The following PTPRS variants were observed in gnomAD, a reference collection of about 807,000 sequenced individuals.
PTPRS encodes protein tyrosine phosphatase receptor type S, also known as receptor-type tyrosine-protein phosphatase S.
A neutral mutation model predicts 215.3 loss-of-function variants in PTPRS; 63 were observed. The ratio of observed to expected loss-of-function variants is 0.29; its 90% CI spans 0.24 to 0.36. The LOEUF (loss-of-function observed/expected upper bound fraction) is 0.36, where lower values mean the gene tolerates loss of function less well. PTPRS is among the 10% of genes least tolerant of loss of function. The pLI, the probability that PTPRS is intolerant of heterozygous loss-of-function variation, is 1.00. For synonymous variants in PTPRS, 1,404 were observed against 1,191.4 expected, an observed-to-expected ratio of 1.18 and a Z score of -3.68; for missense variants, 2,258 against 2,825.8, an observed-to-expected ratio of 0.80 and a Z score of 4.56.
chr19:5,220,288 C>G lies in PTPRS; in HGVS notation c.3521G>C (p.Gly1174Ala). 6.2e-7 allele frequency: 1 copy of G among 1,614,066 alleles called. No homozygotes were observed. Among genetic ancestry groups the G allele is most frequent in the South Asian group, 1.1e-5 (1 of 91,064 alleles). The change falls in exon 21 of 38, where the codon GGT becomes GCT. Residue 1174 changes from glycine to alanine, a missense_variant. Around this residue, in one of 6 missense-constraint regions of PTPRS, gnomAD observed 927 missense variants for 1,125.9 expected, o/e 0.82. Coordinates refer to ENST00000262963, the MANE Select transcript of PTPRS (RefSeq NM_002850.4). Reference sequence around the variant, plus strand: ...TTCCAGATCCATGTCCTCTGGGCTACCCAGCGGGGTCAGGAATTGGCCTCC... The same window carrying G: ...TTCCAGATCCATGTCCTCTGGGCTAGCCAGCGGGGTCAGGAATTGGCCTCC... Reference protein sequence around the residue: ...SRGGQFLTPLGSPEDMDLEEL... With the variant: ...SRGGQFLTPLASPEDMDLEEL...
rs931408610 is a variant in PTPRS at position 5,338,399 on chromosome 19, C to G, written c.-95+2265G>C. Among the ~76,000 whole-genome samples the G allele has an allele frequency of 2.6e-5, 4 of 152,070 alleles. No individual in the cohort carries two copies. The highest frequency in any genetic ancestry group is 5.9e-5 in the Non-Finnish European group (4 of 68,024). On this transcript the variant is annotated intron_variant, in intron 1 of 37. Coordinates refer to ENST00000262963, the MANE Select transcript of PTPRS (RefSeq NM_002850.4). The surrounding 1 kb of genome is among the most constrained non-coding windows in gnomAD (Gnocchi z 4.2). ...AGTGCACCGTCATGATGAGGGTGTCCCCCGGGCCTGGGGAACAGGGCAGGA... is the reference window on the plus strand; with the variant it reads ...AGTGCACCGTCATGATGAGGGTGTCGCCCGGGCCTGGGGAACAGGGCAGGA...
At chr19:5,214,209 A>C in intron 30 of PTPRS, 152 bp downstream of exon 30, 1 of 1,109,386 alleles carries the variant, frequency 9.0e-7, no homozygotes, top group South Asian at 1.5e-5. Flanking sequence ...CCTCCACGGA[A>C]GTGGGTTCCA....
At position 5,237,217 on chromosome 19, in the gene PTPRS, G is replaced by A. The variant is rs533953366; in HGVS notation, c.1849+1702C>T. ...CAGGCTGGAGGCAGGAAGGTGGCAC[G>A]GTGTCTGGGGAGACCCACGGCTGAG... On this transcript the variant is annotated intron_variant, in intron 13 of 37. Coordinates refer to ENST00000262963, the MANE Select transcript of PTPRS (RefSeq NM_002850.4). This position sits in a 1 kb window ranked among gnomAD's most constrained non-coding sequence, Gnocchi z 4.2. 4.6e-5 allele frequency among the ~76,000 whole-genome samples: 7 copies of A among 152,264 alleles called. No individual in the cohort carries two copies. The highest frequency in any genetic ancestry group is 1.3e-4 in the Admixed American group (2 of 15,306).
intron 1 of PTPRS, among the ~76,000 whole-genome samples, chr19:5,291,732 G>A (rs1045059921): frequency 2.6e-5 from 4 of 151,144 alleles, no homozygotes; most frequent in African/African-American, 4.9e-5. Context: ...CTGCAGCCAC[G>A]AGATGCCTCC....
At chr19:5,273,278 G>GGC (rs1277574310) in intron 4 of PTPRS, 164 bp downstream of exon 4, 8 of 859,532 alleles carry the variant, frequency 9.3e-6, no homozygotes, top group Non-Finnish European at 1.5e-5. Flanking sequence ...CCCACCAGTA[G>GGC]GCGCTGGGCC....
chr19:5,322,179 G>A (rs532579578), intron 1 of PTPRS, among the ~76,000 whole-genome samples: 16 of 152,336 alleles, frequency 1.1e-4, no homozygotes, highest in African/African-American at 2.4e-4. Flanking sequence ...AGCCTTTAGC[G>A]GAAGCCCTCC....
intron 31 of PTPRS, 42 bp from the exon 32 acceptor site, chr19:5,212,292 C>A (rs375839277): frequency 6.2e-7 from 1 of 1,608,606 alleles, no homozygotes; most frequent in South Asian, 1.1e-5. Context: ...TGCTGGGCTG[C>A]GGGGACCGGG....
Position 5,339,980 on chromosome 19 carries a change from G to A in PTPRS, c.-95+684C>T, listed in dbSNP as rs1311589884. ...AAGGGGGCGCCGAGGCCGCAGAAGG[G>A]TGGGGCAATGCCCGAGTGCCGGAGG... On this transcript the variant is annotated intron_variant, in intron 1 of 37. Coordinates refer to ENST00000262963, the MANE Select transcript of PTPRS (RefSeq NM_002850.4). This position sits in a 1 kb window ranked among gnomAD's most constrained non-coding sequence, Gnocchi z 4.2. Among the ~76,000 whole-genome samples, 1 of 151,424 alleles carries A rather than the reference G, an allele frequency of 6.6e-6. No individual in the cohort carries two copies. The highest frequency in any genetic ancestry group is 1.5e-5 in the Non-Finnish European group (1 of 67,734).
chr19:5,265,225 C>A (rs781666531), intron 4 of PTPRS, 29 bp from the exon 5 acceptor site: 1 of 1,600,570 alleles, frequency 6.2e-7, no homozygotes. Flanking sequence ...GAGAAATGGG[C>A]ATGGTTCTGA....
Position 5,219,331 on chromosome 19 carries a change from A to G in PTPRS, c.3902T>C (p.Ile1301Thr), listed in dbSNP as rs376345440. ...LAVVFIICIVIAILLYKNKPD... is the reference protein window; with the variant it reads ...LAVVFIICIVTAILLYKNKPD... ...TTACTTCTTGTAGAGCAGGATAGCA[A>G]TGACAATGCAGATTATGAAGACCAC... is the stretch of plus-strand genomic sequence containing the variant. The change falls in exon 23 of 38, where the codon ATT becomes ACT. Residue 1301 changes from isoleucine (I) to threonine (T), a missense_variant. Ile to Thr is a moderately conservative substitution (Grantham distance 89, BLOSUM62 -1). This residue lies in a region of PTPRS where 927 missense variants were observed against 1,125.9 expected (regional missense o/e 0.82). Coordinates refer to ENST00000262963, the MANE Select transcript of PTPRS (RefSeq NM_002850.4). 5.6e-6 allele frequency: 9 copies of G among 1,614,000 alleles called. No homozygotes were observed. The East Asian group carries it at 8.9e-5, about 16-fold the overall frequency.
At chr19:5,223,489 CA>C (rs1279486833) in intron 17 of PTPRS, among the ~76,000 whole-genome samples, 192 bp from the exon 18 acceptor site, 1 of 151,726 alleles carries the variant, frequency 6.6e-6, no homozygotes, top group Non-Finnish European at 1.5e-5. Context: ...CTCCTGGGCT[CA>C]AGTGAGCTTC....
At chr19:5,333,190 G>A (rs767849500) in intron 1 of PTPRS, among the ~76,000 whole-genome samples, 4 of 150,694 alleles carry the variant, frequency 2.7e-5, no homozygotes, top group East Asian at 1.9e-4. Flanking sequence ...ATGCCAATTC[G>A]CCAGGTGTGG....
At chr19:5,302,113 C>T (rs778314773) in intron 1 of PTPRS, among the ~76,000 whole-genome samples, 3 of 151,966 alleles carry the variant, frequency 2.0e-5, no homozygotes, top group Non-Finnish European at 4.4e-5. Context: ...AGGCTGGGCA[C>T]GGCCAGCCTT....
At chr19:5,223,395 A>C in intron 17 of PTPRS, 98 bp from the exon 18 acceptor site, 154 of 1,247,914 alleles carry the variant, frequency 1.2e-4, no homozygotes, top group Middle Eastern at 2.9e-4. Context: ...CTTCAATATA[A>C]CATTTTTTTG....
intron 16 of PTPRS, among the ~76,000 whole-genome samples, chr19:5,226,523 G>C (rs1383874187): frequency 6.6e-6 from 1 of 151,104 alleles, no homozygotes; most frequent in Non-Finnish European, 1.5e-5. Flanking sequence ...TTAAGGTCAG[G>C]AGTTCCAGAC....
intron 4 of PTPRS, among the ~76,000 whole-genome samples, chr19:5,272,628 A>G (rs2047017068): frequency 8.7e-6 from 1 of 115,194 alleles, no homozygotes; most frequent in African/African-American, 3.3e-5. Flanking sequence ...AAAAAAAAAA[A>G]AAAAAAAAAG....
intron 1 of PTPRS, among the ~76,000 whole-genome samples, chr19:5,321,038 G>A (rs1290557824): frequency 6.6e-6 from 1 of 152,138 alleles, no homozygotes; most frequent in Non-Finnish European, 1.5e-5. Flanking sequence ...GAGGCAGGAG[G>A]ACCACTTCAG....
chr19:5,325,026 T>C (rs1040818880), intron 1 of PTPRS, among the ~76,000 whole-genome samples: 2 of 152,214 alleles, frequency 1.3e-5, no homozygotes, highest in African/African-American at 4.8e-5. Flanking sequence ...ATTTCTCTTT[T>C]CACCTAAGGG....
At chr19:5,219,729 C>T (rs143030792) in intron 22 of PTPRS, among the ~76,000 whole-genome samples, 1 of 152,188 alleles carries the variant, frequency 6.6e-6, no homozygotes, top group African/African-American at 2.4e-5. Context: ...TTGTTGAACT[C>T]CTACTCACCC....
Sources: allele counts gnomAD v4.1 joint callset (sites outside exome capture counted in the v4.1 genomes callset), GRCh38; gene constraint gnomAD v4.1.1; regional missense constraint gnomAD v4.1.1; non-coding constraint Gnocchi (gnomAD v3.1); transcripts MANE v1.5; gene names NCBI Gene and HGNC (gene_info 2026-07-23, HGNC 2026-07-21).